GOT2: variants seen among roughly 807,000 people sequenced by gnomAD.
GOT2 encodes aspartate aminotransferase, mitochondrial.
GOT2 carries 17 observed loss-of-function variants against 50.0 expected under a neutral mutation model. The observed-to-expected ratio is 0.34, with a 90% CI of 0.23 to 0.51. The LOEUF (loss-of-function observed/expected upper bound fraction) is 0.51. Among genes scored for constraint, GOT2 ranks in the 20% least tolerant of loss-of-function variants. GOT2 has a pLI of 0.97. For synonymous variants in GOT2, 172 were observed against 204.9 expected (o/e 0.84, Z 1.37); for missense variants, 430 against 559.6 (o/e 0.77, Z 2.34).
chr16:58,712,277 T>C (rs1329044539), intron 8 of GOT2, among the ~76,000 whole-genome samples: 1 of 152,064 alleles, frequency 6.6e-6, no homozygotes, highest in Non-Finnish European at 1.5e-5. Context: ...TTTGGGAGGC[T>C]GAGGTGGATG....
chr16:58,719,759 AAAAT>A (rs1005236663), intron 3 of GOT2, among the ~76,000 whole-genome samples: 2 of 152,224 alleles, frequency 1.3e-5, no homozygotes, highest in Admixed American at 6.5e-5. Context: ...TGTCTCAAAA[AAAAT>A]AAATAAATAA....
intron 1 of GOT2, among the ~76,000 whole-genome samples, chr16:58,731,546 A>G (rs2044835198): frequency 6.6e-6 from 1 of 152,244 alleles, no homozygotes; most frequent in South Asian, 2.1e-4. Flanking sequence ...AATAATCAGA[A>G]TTAAATAATT....
chr16:58,719,623 C>T (rs965210042), intron 3 of GOT2, among the ~76,000 whole-genome samples: 7 of 151,852 alleles, frequency 4.6e-5, no homozygotes, highest in South Asian at 2.1e-4. Flanking sequence ...GGCATGGTGG[C>T]GCATGCCTGT....
chr16:58,722,558 C>T (rs1449250417), intron 2 of GOT2, among the ~76,000 whole-genome samples: 4 of 151,682 alleles, frequency 2.6e-5, no homozygotes, highest in Admixed American at 6.6e-5. Flanking sequence ...TTAGTAGATA[C>T]GGGGTTTCAC....
intron 2 of GOT2, 70 bp from the exon 3 acceptor site, chr16:58,722,348 G>T: frequency 2.1e-6 from 3 of 1,458,580 alleles, no homozygotes; most frequent in Admixed American, 1.8e-5. Context: ...AATGTTTAAA[G>T]TTTTATAAGT....
intron 8 of GOT2, among the ~76,000 whole-genome samples, chr16:58,714,052 T>C (rs117440505): frequency 6.6e-6 from 1 of 152,020 alleles, no homozygotes; most frequent in Non-Finnish European, 1.5e-5. Flanking sequence ...AGGTTAATTT[T>C]TTTATTTTTT....
chr16:58,726,918 C>T (rs1242531901), intron 1 of GOT2, among the ~76,000 whole-genome samples: 2 of 151,844 alleles, frequency 1.3e-5, no homozygotes. Flanking sequence ...CTTTGGGAAG[C>T]CGAAGTAGGC....
chr16:58,718,426 C>A lies in GOT2; in HGVS notation c.597+101G>T, dbSNP rs1308046280. ...ACCAGAACCCTGGGAATCAGCTCTT[C>A]CCCAGTATTTTAACTCAGATATTGG... is the stretch of plus-strand genomic sequence containing the variant. On this transcript the variant is annotated intron_variant, in intron 5 of 9. Coordinates refer to ENST00000245206, the MANE Select transcript of GOT2 (RefSeq NM_002080.4). 3 of 1,342,630 alleles carry A rather than the reference C, an allele frequency of 2.2e-6. No individual in the cohort carries two copies. The Admixed American group carries it at 5.9e-5, about 27-fold the overall frequency. The allele number at this position is 1,342,630 out of a possible 1,614,324, so 83.2% of individuals were successfully genotyped here. A position where few individuals can be genotyped will look rare whatever the true frequency, so the allele number is the denominator to read the frequency against.
intron 1 of GOT2, among the ~76,000 whole-genome samples, chr16:58,725,317 G>A (rs1313819194): frequency 1.3e-5 from 2 of 151,980 alleles, no homozygotes; most frequent in African/African-American, 2.4e-5. Flanking sequence ...GTTTTACCAC[G>A]TTGGCCAGGC....
At position 58,722,253 on chromosome 16, in the gene GOT2, T is replaced by G. The variant is rs572286010; in HGVS notation, c.272A>C (p.Asn91Thr). Residue 91 changes from asparagine to threonine, a missense_variant, in exon 3 of 10, where the codon AAT becomes ACT. By Grantham distance (65) the Asn-to-Thr change is moderately conservative. Transcript: ENST00000245206. ...AATGGGCAGGTATTCCTTGTCCAAA[T>G]TTTTTGCGGCAATCTGGGCCTCTGC... ...RKAEAQIAAK[N>T]LDKEYLPIGG... is the part of the protein sequence containing the mutation. 1 of 1,613,588 alleles carries G rather than the reference T, an allele frequency of 6.2e-7. No homozygotes were observed. The highest frequency in any genetic ancestry group is 1.3e-5 in the African/African-American group (1 of 75,050).
At chr16:58,721,664 G>A (rs1235564390) in intron 3 of GOT2, 2 of 152,402 alleles carry the variant, frequency 1.3e-5, no homozygotes, top group African/African-American at 4.8e-5. Flanking sequence ...TTGGTGTCAT[G>A]TAAATTATTT....
At chr16:58,708,342 T>C in intron 9 of GOT2, 49 bp from the exon 10 acceptor site, 1 of 1,593,136 alleles carries the variant, frequency 6.3e-7, no homozygotes, top group Non-Finnish European at 8.6e-7. Flanking sequence ...CAGGGGATTC[T>C]CCCCGGCCTG....
chr16:58,722,138 T>C lies in GOT2; in HGVS notation c.375+12A>G, dbSNP rs775969905. On this transcript the variant is annotated intron_variant, in intron 3 of 9. Coordinates refer to ENST00000245206, the MANE Select transcript of GOT2 (RefSeq NM_002080.4). ...ACAGACCTGGGATGATGCCAGAGCC[T>C]GCTCAGCTTACCCGGCCACTCTTCA... 2.5e-6 allele frequency: 4 copies of C among 1,611,730 alleles called. No homozygotes were observed. The Admixed American group carries it at 5.0e-5, about 20-fold the overall frequency.
At chr16:58,727,811 G>T (rs1442977449) in intron 1 of GOT2, among the ~76,000 whole-genome samples, 1 of 152,142 alleles carries the variant, frequency 6.6e-6, no homozygotes. Context: ...AAGAATAAAG[G>T]CTCACGGTGA....
chr16:58,730,117 T>A (rs2044822641), intron 1 of GOT2, among the ~76,000 whole-genome samples: 1 of 152,128 alleles, frequency 6.6e-6, no homozygotes, highest in Non-Finnish European at 1.5e-5. Flanking sequence ...TAGGGAACAC[T>A]GACAATTTAT....
intron 3 of GOT2, among the ~76,000 whole-genome samples, chr16:58,719,851 A>G (rs1330068201): frequency 6.6e-6 from 1 of 152,212 alleles, no homozygotes; most frequent in Non-Finnish European, 1.5e-5. Context: ...CTCTCTAAAC[A>G]TCAAAGTTCC....
At position 58,708,116 on chromosome 16, in the gene GOT2, C is replaced by G; in HGVS notation, c.*55G>C. Reference sequence around the variant, plus strand: ...TCTCTCATTGTCTGTGTGAAGCTCTCAATAGCAGAGGCTGAAGACAGAAAG... The same window carrying G: ...TCTCTCATTGTCTGTGTGAAGCTCTGAATAGCAGAGGCTGAAGACAGAAAG... On this transcript the variant is annotated 3_prime_UTR_variant, in exon 10 of 10. Transcript: ENST00000245206. 6.3e-7 allele frequency: 1 copy of G among 1,583,706 alleles called. No individual in the cohort carries two copies. The highest frequency in any genetic ancestry group is 8.6e-7 in the Non-Finnish European group (1 of 1,160,552).
In GOT2 at chr16:58,716,559, G is replaced by GACACAC. The variant is rs3075037; in HGVS notation, c.853+98_853+103dup. ...GTAGGGAGGGACATGGACATGGATG[G>GACACAC]ACACACACACACACACACACACACA... On this transcript the variant is annotated intron_variant, in intron 7 of 9. Transcript: ENST00000245206. 488 of 725,170 alleles carry GACACAC rather than the reference G, an allele frequency of 6.7e-4. 1 individual carries two copies. The highest frequency in any genetic ancestry group is 6.7e-3 in the African/African-American group (376 of 56,500). 44.9% of individuals were successfully genotyped at this position (725,170 alleles called of 1,614,324 possible). A position where few individuals can be genotyped will look rare whatever the true frequency, so the allele number is the denominator to read the frequency against.
chr16:58,732,283 A>T (rs1646267), intron 1 of GOT2, among the ~76,000 whole-genome samples: 76,964 of 151,880 alleles, frequency 0.51, 20,740 homozygotes, highest in Middle Eastern at 0.78. Flanking sequence ...CAGCCTGGGC[A>T]ACACAGTGAG....
Sources: allele counts gnomAD v4.1 joint callset (sites outside exome capture counted in the v4.1 genomes callset), GRCh38; gene constraint gnomAD v4.1.1; transcripts MANE v1.5; gene names NCBI Gene and HGNC (gene_info 2026-07-23, HGNC 2026-07-21).